Variants in GRM3 observed in about 807,000 individuals in gnomAD.
The protein encoded by GRM3 is glutamate metabotropic receptor 3.
Under a neutral mutation model 70.5 loss-of-function variants are expected in GRM3, and 26 were observed. The observed-to-expected ratio is 0.37, with a 90% CI of 0.27 to 0.51. The LOEUF (loss-of-function observed/expected upper bound fraction) is 0.51, where lower values mean the gene tolerates loss of function less well. Ranked by LOEUF, GRM3 falls within the 20% of genes least tolerant of loss-of-function variation. The probability of loss-of-function intolerance (pLI) is 0.93; values close to 1 mark genes in which losing one functional copy is unlikely to be tolerated. For missense variants in GRM3, 859 were observed against 1,123.8 expected, an observed-to-expected ratio of 0.76 and a Z score of 3.37; for synonymous variants, 443 against 434.9, an observed-to-expected ratio of 1.02 and a Z score of -0.23.
intron 1 of GRM3, among the ~76,000 whole-genome samples, chr7:86,721,845 A>T (rs908067628): frequency 2.6e-5 from 4 of 152,262 alleles, no homozygotes; most frequent in Middle Eastern, 3.4e-3. Flanking sequence ...CAGGTGGCAA[A>T]TGCCACAAAC....
At chr7:86,655,854 GT>G (rs1275129913) in intron 1 of GRM3, among the ~76,000 whole-genome samples, 9 of 70,456 alleles carry the variant, frequency 1.3e-4, no homozygotes, top group African/African-American at 6.3e-4. Context: ...GTGTGTGTGG[GT>G]GGGTGGGTGT....
chr7:86,651,576 C>G (rs1793606893), intron 1 of GRM3, among the ~76,000 whole-genome samples: 1 of 152,112 alleles, frequency 6.6e-6, no homozygotes, highest in East Asian at 1.9e-4. Flanking sequence ...TTTGGAACAT[C>G]TTGTTTTTCC....
intron 1 of GRM3, among the ~76,000 whole-genome samples, chr7:86,728,596 G>C (rs1206802943): frequency 6.6e-6 from 1 of 152,146 alleles, no homozygotes; most frequent in African/African-American, 2.4e-5. Context: ...GTACAGCTGA[G>C]TAACTGCCCT....
intron 1 of GRM3, among the ~76,000 whole-genome samples, chr7:86,759,393 A>G (rs1796425183): frequency 1.3e-5 from 2 of 152,176 alleles, no homozygotes; most frequent in Admixed American, 1.3e-4. Context: ...TGTCATTTTG[A>G]AAATGACAGA....
Position 86,786,255 on chromosome 7 carries a change from C to A in GRM3, c.469-6C>A, listed in dbSNP as rs201257732. ...CTAACAAAGGTCCTTCTTCTCCCTC[C>A]CCTAGGTGGCAAACCTGCTGCGGCT... On this transcript the variant is annotated splice_polypyrimidine_tract_variant and splice_region_variant and intron_variant, in intron 2 of 5. Transcript: ENST00000361669. This position sits in a 1 kb window ranked among gnomAD's most constrained non-coding sequence, Gnocchi z 6.0. The A allele has an allele frequency of 3.7e-5, 59 of 1,608,032 alleles. No homozygotes were observed. The African/African-American group carries it at 6.9e-4, about 19-fold the overall frequency.
intron 1 of GRM3, among the ~76,000 whole-genome samples, chr7:86,646,010 G>GTTTA (rs1793459734): frequency 3.2e-5 from 3 of 92,508 alleles, no homozygotes; most frequent in Non-Finnish European, 6.9e-5. Flanking sequence ...GGGGGGTGGG[G>GTTTA]GGGGGTGGGA....
intron 5 of GRM3, among the ~76,000 whole-genome samples, chr7:86,856,861 C>T (rs1054943299): frequency 6.6e-6 from 1 of 151,976 alleles, no homozygotes; most frequent in Non-Finnish European, 1.5e-5. Context: ...TAAATATAGC[C>T]CACCTTCTTT....
chr7:86,671,622 T>C (rs1794175281), intron 1 of GRM3, among the ~76,000 whole-genome samples: 1 of 152,192 alleles, frequency 6.6e-6, no homozygotes, highest in Non-Finnish European at 1.5e-5. Context: ...TGTGTCAACA[T>C]TGGAAATTGC....
At chr7:86,826,176 G>A (rs1045810603) in intron 3 of GRM3, among the ~76,000 whole-genome samples, 6 of 152,132 alleles carry the variant, frequency 3.9e-5, no homozygotes, top group South Asian at 2.1e-4. Context: ...TCACAAAATC[G>A]GAAAATTTTG....
chr7:86,738,963 G>A (rs1437561165), intron 1 of GRM3, among the ~76,000 whole-genome samples: 1 of 152,058 alleles, frequency 6.6e-6, no homozygotes, highest in Non-Finnish European at 1.5e-5. Context: ...TCATCACTAT[G>A]TTGTACACCA....
At chr7:86,758,383 A>G (rs1020660961) in intron 1 of GRM3, among the ~76,000 whole-genome samples, 1 of 152,132 alleles carries the variant, frequency 6.6e-6, no homozygotes, top group East Asian at 1.9e-4. Context: ...TGAAACTTCT[A>G]TTAGACTTTG....
At chr7:86,687,382 T>A (rs1794592584) in intron 1 of GRM3, among the ~76,000 whole-genome samples, 1 of 151,938 alleles carries the variant, frequency 6.6e-6, no homozygotes, top group South Asian at 2.1e-4. Context: ...CCAGGGTACA[T>A]GTTATCTTCA....
intron 3 of GRM3, chr7:86,833,150 G>T (rs1366799367): frequency 9.4e-6 from 9 of 961,782 alleles, no homozygotes; most frequent in African/African-American, 3.6e-5. Context: ...GTTTCTTCAC[G>T]CCAAAGAACT....
At chr7:86,763,593 C>T (rs972698343) in intron 1 of GRM3, among the ~76,000 whole-genome samples, 2 of 152,118 alleles carry the variant, frequency 1.3e-5, no homozygotes, top group African/African-American at 4.8e-5. Context: ...TGCCTGATTC[C>T]CAATAGATTC....
At chr7:86,711,078 GCCC>G (rs1432634268) in intron 1 of GRM3, among the ~76,000 whole-genome samples, 1 of 151,990 alleles carries the variant, frequency 6.6e-6, no homozygotes, top group Non-Finnish European at 1.5e-5. Context: ...CTCTCTCTGA[GCCC>G]CACTTTCCTC....
intron 2 of GRM3, among the ~76,000 whole-genome samples, chr7:86,785,561 C>T (rs914495591): frequency 1.3e-5 from 2 of 150,880 alleles, no homozygotes; most frequent in South Asian, 4.2e-4. Context: ...TATTTCTTTT[C>T]ACATAGTCCA....
chr7:86,830,754 TA>T (rs1798334239), intron 3 of GRM3, among the ~76,000 whole-genome samples: 1 of 152,182 alleles, frequency 6.6e-6, no homozygotes, highest in African/African-American at 2.4e-5. Context: ...CAAAAAGAGA[TA>T]TTTTGAAGTC....
chr7:86,723,264 A>T (rs1018780033), intron 1 of GRM3, among the ~76,000 whole-genome samples: 1 of 152,120 alleles, frequency 6.6e-6, no homozygotes, highest in Non-Finnish European at 1.5e-5. Flanking sequence ...TGATAGATAT[A>T]ATGATGATTA....
intron 1 of GRM3, among the ~76,000 whole-genome samples, chr7:86,698,519 T>TA (rs1242432322): frequency 1.4e-5 from 2 of 144,606 alleles, no homozygotes; most frequent in African/African-American, 5.3e-5. Flanking sequence ...CTAAAAAGTA[T>TA]TTATATATAT....
Sources: gnomAD v4.1 joint callset for allele counts (sites outside exome capture counted in the v4.1 genomes callset) on GRCh38, gnomAD v4.1.1 for gene constraint, Gnocchi (gnomAD v3.1) non-coding constraint, MANE v1.5 for transcripts, NCBI Gene and HGNC (gene_info 2026-07-23, HGNC 2026-07-21) for gene names.